VTI1A: variants seen among roughly 807,000 people sequenced by gnomAD.
The protein encoded by VTI1A is vesicle transport through interaction with t-SNAREs 1A.
VTI1A carries 22 observed loss-of-function variants against 34.9 expected under a neutral mutation model. The ratio of observed to expected loss-of-function variants is 0.63; its 90% CI spans 0.45 to 0.90. The LOEUF is 0.90. Among genes scored for constraint, VTI1A ranks in the 40% least tolerant of loss-of-function variants. VTI1A has a pLI of 0.00. For missense variants in VTI1A, 268 were observed against 275.6 expected, an observed-to-expected ratio of 0.97 and a Z score of 0.20; for synonymous variants, 87 against 97.3, an observed-to-expected ratio of 0.89 and a Z score of 0.62.
At chr10:112,494,162 A>G (rs879811097) in intron 3 of VTI1A, among the ~76,000 whole-genome samples, 5 of 152,138 alleles carry the variant, frequency 3.3e-5, no homozygotes, top group Admixed American at 2.6e-4. Context: ...TTTTGAGTCT[A>G]TTTTTATAAT....
intron 5 of VTI1A, among the ~76,000 whole-genome samples, chr10:112,596,686 G>A (rs534749686): frequency 4.6e-5 from 7 of 152,122 alleles, no homozygotes; most frequent in Non-Finnish European, 1.0e-4. Context: ...CTCACATTGA[G>A]CAGAAGGTAT....
At chr10:112,648,593 A>G (rs1216947818) in intron 5 of VTI1A, among the ~76,000 whole-genome samples, 1 of 152,238 alleles carries the variant, frequency 6.6e-6, no homozygotes, top group East Asian at 1.9e-4. Flanking sequence ...CTAGAGAACC[A>G]AGAATAATTT....
chr10:112,803,230 G>T (rs192694961), intron 7 of VTI1A, among the ~76,000 whole-genome samples: 1 of 152,016 alleles, frequency 6.6e-6, no homozygotes, highest in Non-Finnish European at 1.5e-5. Flanking sequence ...CACCATGCCC[G>T]GCTAATTTTG....
rs542393647 is a variant in VTI1A at position 112,495,981 on chromosome 10, G to C, written c.265-31106G>C. ...TGAAGACATAAAAAAGTATCTATTA[G>C]ATTGTCAGCATGATGGTCACCGTTA... On this transcript the variant is annotated intron_variant, in intron 3 of 7. Transcript: ENST00000393077. Among the ~76,000 whole-genome samples, 4 of 152,306 alleles carry C rather than the reference G, an allele frequency of 2.6e-5. No individual in the cohort carries two copies. In the East Asian group the frequency reaches 7.7e-4, roughly 29 times the overall value.
chr10:112,677,090 T>C (rs1290261770), intron 7 of VTI1A, among the ~76,000 whole-genome samples: 1 of 152,198 alleles, frequency 6.6e-6, no homozygotes, highest in African/African-American at 2.4e-5. Flanking sequence ...TCCATTAATC[T>C]ATGATCTGAT....
chr10:112,510,405 T>C lies in VTI1A; in HGVS notation c.265-16682T>C, dbSNP rs139277255. 6.2e-3 allele frequency among the ~76,000 whole-genome samples: 948 copies of C among 152,164 alleles called. 15 individuals are homozygous for C. The highest frequency in any genetic ancestry group is 0.022 in the African/African-American group (903 of 41,516). ...ATCCCAGCATTTCGGGAGGCTGAGA[T>C]GGGGGATTGCTTGAGGCCAGGAGTT... On this transcript the variant is annotated intron_variant, in intron 3 of 7. Transcript: ENST00000393077.
intron 7 of VTI1A, among the ~76,000 whole-genome samples, chr10:112,754,952 C>A (rs1056442538): frequency 2.0e-5 from 3 of 152,162 alleles, no homozygotes; most frequent in African/African-American, 7.2e-5. Flanking sequence ...GTTTCCAAGG[C>A]TGTTCAGAAG....
At chr10:112,483,396 G>A (rs1848514876) in intron 3 of VTI1A, among the ~76,000 whole-genome samples, 1 of 151,964 alleles carries the variant, frequency 6.6e-6, no homozygotes, top group South Asian at 2.1e-4. Flanking sequence ...GCATAAACTC[G>A]AGTGTCTGAT....
intron 1 of VTI1A, among the ~76,000 whole-genome samples, chr10:112,448,724 C>T (rs1847090169): frequency 6.6e-6 from 1 of 152,232 alleles, no homozygotes; most frequent in African/African-American, 2.4e-5. Context: ...GGGCACTTCA[C>T]TTGCCCACTT....
At chr10:112,447,746 T>C (rs556794115) in intron 1 of VTI1A, among the ~76,000 whole-genome samples, 27 of 152,312 alleles carry the variant, frequency 1.8e-4, no homozygotes, top group African/African-American at 5.8e-4. Flanking sequence ...CTTAACGTCT[T>C]AAGAGTCTTA....
chr10:112,581,419 ATTT>A (rs1226657233), intron 5 of VTI1A, among the ~76,000 whole-genome samples: 5 of 152,184 alleles, frequency 3.3e-5, no homozygotes, highest in Admixed American at 1.3e-4. Context: ...ATGTGGTCTG[ATTT>A]TTATTGGGAC....
intron 5 of VTI1A, among the ~76,000 whole-genome samples, chr10:112,576,956 T>TA (rs1240375983): frequency 1.3e-5 from 2 of 152,328 alleles, no homozygotes; most frequent in Middle Eastern, 3.4e-3. Flanking sequence ...CTTGTTGTTT[T>TA]AAAAAAAGAA....
intron 5 of VTI1A, among the ~76,000 whole-genome samples, chr10:112,616,966 G>A (rs2134544101): frequency 6.6e-6 from 1 of 152,276 alleles, no homozygotes; most frequent in East Asian, 1.9e-4. Flanking sequence ...AGAATGACAA[G>A]TTAGAGGAGC....
At chr10:112,580,750 G>C (rs1843897091) in intron 5 of VTI1A, among the ~76,000 whole-genome samples, 1 of 152,106 alleles carries the variant, frequency 6.6e-6, no homozygotes, top group Non-Finnish European at 1.5e-5. Flanking sequence ...GGAGGAAAAG[G>C]GGGGCATCAG....
At chr10:112,557,762 T>C (rs1301091018) in intron 5 of VTI1A, among the ~76,000 whole-genome samples, 1 of 152,224 alleles carries the variant, frequency 6.6e-6, no homozygotes, top group African/African-American at 2.4e-5. Context: ...TCTCTTTAGA[T>C]AACTGCATAT....
At chr10:112,641,378 A>C (rs1448902319) in intron 5 of VTI1A, among the ~76,000 whole-genome samples, 1 of 152,166 alleles carries the variant, frequency 6.6e-6, no homozygotes, top group Non-Finnish European at 1.5e-5. Flanking sequence ...TACTTTGCAC[A>C]ATGTGGAAAG....
chr10:112,447,445 G>T lies in VTI1A; in HGVS notation c.72G>T (p.Ala24=). ...CTGCAGAGATCACCAGCAAGATTGC[G>T]AGGGTCCCACGACTCCCGCCTGGTG... ...VLTAEITSKI[A]RVPRLPPDEK... Residue 24 remains alanine, a synonymous_variant, in exon 1 of 8, where the codon GCG becomes GCT. Transcript: ENST00000393077. 1 of 1,613,634 alleles carries T rather than the reference G, an allele frequency of 6.2e-7. No individual in the cohort carries two copies.
intron 5 of VTI1A, among the ~76,000 whole-genome samples, chr10:112,539,848 G>T (rs922423520): frequency 2.6e-5 from 4 of 152,082 alleles, no homozygotes; most frequent in African/African-American, 9.7e-5. Flanking sequence ...GGTCATTGAC[G>T]ATCTACAGGC....
At chr10:112,572,037 T>C (rs1852144417) in intron 5 of VTI1A, among the ~76,000 whole-genome samples, 1 of 138,976 alleles carries the variant, frequency 7.2e-6, no homozygotes, top group African/African-American at 2.8e-5. Flanking sequence ...GGTACTATGC[T>C]CACAACTTGA....
Sources: allele counts gnomAD v4.1 joint callset (sites outside exome capture counted in the v4.1 genomes callset), GRCh38; gene constraint gnomAD v4.1.1; transcripts MANE v1.5; gene names NCBI Gene and HGNC (gene_info 2026-07-23, HGNC 2026-07-21).